The following YEATS2 variants were observed in gnomAD, a reference collection of about 807,000 sequenced individuals.
YEATS2 encodes the protein YEATS domain containing 2.
Under a neutral mutation model 163.2 loss-of-function variants are expected in YEATS2, and 77 were observed. That is an observed-to-expected ratio of 0.47 (90% CI 0.39 to 0.57). The LOEUF (loss-of-function observed/expected upper bound fraction) is 0.57. Ranked by LOEUF, YEATS2 falls within the 20% of genes least tolerant of loss-of-function variation. The pLI is 0.00. For synonymous variants in YEATS2, 631 were observed against 645.1 expected, an observed-to-expected ratio of 0.98 and a Z score of 0.33; for missense variants, 1,549 against 1,729.8, an observed-to-expected ratio of 0.90 and a Z score of 1.85.
At chr3:183,743,103 T>C (rs1418793105) in intron 8 of YEATS2, among the ~76,000 whole-genome samples, 1 of 152,270 alleles carries the variant, frequency 6.6e-6, no homozygotes, top group Non-Finnish European at 1.5e-5. Context: ...AGTTGCTTTA[T>C]TGCAGTATTC....
chr3:183,755,087 G>A (rs1311808625), intron 11 of YEATS2, among the ~76,000 whole-genome samples: 2 of 152,114 alleles, frequency 1.3e-5, no homozygotes, highest in Non-Finnish European at 2.9e-5. Context: ...CCAAATCTTT[G>A]ATGAGAGATA....
Position 183,697,999 on chromosome 3 carries a change from T to C in YEATS2, c.-20+6T>C, listed in dbSNP as rs1577013107. 1 of 149,672 alleles carries C rather than the reference T, an allele frequency of 6.7e-6. No individual in the cohort carries two copies. Among genetic ancestry groups the C allele is most frequent in the Admixed American group, 6.6e-5 (1 of 15,136 alleles). 9.3% of individuals were successfully genotyped at this position (149,672 alleles called of 1,614,324 possible). A position where few individuals can be genotyped will look rare whatever the true frequency, so the allele number is the denominator to read the frequency against. On this transcript the variant is annotated splice_donor_region_variant and intron_variant, in intron 1 of 30. Coordinates refer to ENST00000305135, the MANE Select transcript of YEATS2 (RefSeq NM_018023.5). ...GCCGGAGACCCGGAGAAAGGGTGAG[T>C]GTTGGCGGGCGCAGGAAGGGACCGG...
At chr3:183,723,621 AGAATTTAG>A (rs1399151824) in intron 5 of YEATS2, among the ~76,000 whole-genome samples, 1 of 152,178 alleles carries the variant, frequency 6.6e-6, no homozygotes, top group African/African-American at 2.4e-5. Context: ...TTAGTTAAAA[AGAATTTAG>A]GAGGCTGGGC....
intron 15 of YEATS2, among the ~76,000 whole-genome samples, chr3:183,765,945 T>TAAAAAAAAAAAAAAAA (rs576204848): frequency 7.8e-6 from 1 of 128,828 alleles, no homozygotes. Flanking sequence ...AGACTCTGTC[T>TAAAAAAAAAAAAAAAA]AAAAAAAAAA....
At chr3:183,720,758 TGAAGTCTA>T (rs1468029881) in intron 4 of YEATS2, among the ~76,000 whole-genome samples, 1 of 152,202 alleles carries the variant, frequency 6.6e-6, no homozygotes, top group Non-Finnish European at 1.5e-5. Context: ...CTCACTATTA[TGAAGTCTA>T]GAAGTCCAAA....
chr3:183,751,988 C>T (rs78367628), intron 9 of YEATS2, 85 bp from the exon 10 acceptor site: 71,771 of 1,453,552 alleles, frequency 0.049, 2,033 homozygotes, highest in Middle Eastern at 0.074. Flanking sequence ...TCTCACATCC[C>T]GGAGATTACA....
intron 8 of YEATS2, among the ~76,000 whole-genome samples, chr3:183,737,112 G>A (rs919710995): frequency 2.0e-5 from 3 of 151,974 alleles, no homozygotes; most frequent in Non-Finnish European, 4.4e-5. Flanking sequence ...AAAATTATAA[G>A]GAATAGAAAA....
chr3:183,738,496 C>T (rs1279562635), intron 8 of YEATS2, among the ~76,000 whole-genome samples: 8 of 141,512 alleles, frequency 5.7e-5, no homozygotes, highest in Non-Finnish European at 1.2e-4. Context: ...TGGTGCGCTG[C>T]ACCCACTAAC....
intron 24 of YEATS2, chr3:183,800,917 G>A (rs1725610670): frequency 4.9e-6 from 1 of 202,558 alleles, no homozygotes; most frequent in Non-Finnish European, 1.0e-5. Flanking sequence ...GTGACTGGGT[G>A]TCCACACACC....
Position 183,808,081 on chromosome 3 carries a change from G to A in YEATS2, c.4063G>A (p.Val1355Met), listed in dbSNP as rs374475831. ...ACTCCACAGGAACGTGTATGCGTCC[G>A]TGGTGGAGGACATGATCCTGAAGGT... is the stretch of plus-strand genomic sequence containing the variant. ...VALHRNVYAS[V>M]VEDMILKATE... Residue 1355 changes from valine (V) to methionine (M), a missense_variant, in exon 29 of 31, where the codon GTG (valine) becomes ATG (methionine). By Grantham distance (21) the Val-to-Met change is conservative. Transcript: ENST00000305135. 10 of 1,557,614 alleles carry A rather than the reference G, an allele frequency of 6.4e-6. No individual in the cohort carries two copies. Among genetic ancestry groups the A allele is most frequent in the Non-Finnish European group, 7.8e-6 (9 of 1,150,152 alleles).
chr3:183,759,086 C>T, intron 13 of YEATS2, 121 bp downstream of exon 13: 1 of 650,524 alleles, frequency 1.5e-6, no homozygotes, highest in Non-Finnish European at 2.5e-6. Flanking sequence ...GAACTCCTGG[C>T]CTCAAGAGAT....
At position 183,758,885 on chromosome 3, in the gene YEATS2, A is replaced by G. The variant is rs369901221; in HGVS notation, c.1576A>G (p.Thr526Ala). Residue 526 changes from threonine to alanine, a missense_variant, in exon 13 of 31, where the codon ACG becomes GCG. Coordinates refer to ENST00000305135, the MANE Select transcript of YEATS2 (RefSeq NM_018023.5). ...STGSPTNKISTASQVSQGTGS... is the reference protein window; with the variant it reads ...STGSPTNKISAASQVSQGTGS... ...AGGAAGTCCTACAAACAAGATCTCC[A>G]CGGCTTCTCAGGTCTCCCAAGGAAC... 28 of 1,595,784 alleles carry G rather than the reference A, an allele frequency of 1.8e-5. No homozygotes were observed. The highest frequency in any genetic ancestry group is 2.0e-5 in the Non-Finnish European group (24 of 1,174,380).
intron 28 of YEATS2, 190 bp downstream of exon 28, chr3:183,807,282 A>C (rs746992745): frequency 6.8e-6 from 4 of 585,572 alleles, no homozygotes; most frequent in Non-Finnish European, 1.2e-5. Flanking sequence ...CAGGGCTCCC[A>C]CCGTCCCACA....
chr3:183,793,210 C>T, intron 21 of YEATS2: 1 of 1,258,294 alleles, frequency 7.9e-7, no homozygotes, highest in Non-Finnish European at 1.0e-6. Flanking sequence ...AGACAACACC[C>T]CTTACTGCCT....
chr3:183,723,831 G>T (rs1422459463), intron 5 of YEATS2, among the ~76,000 whole-genome samples: 1 of 151,928 alleles, frequency 6.6e-6, no homozygotes, highest in South Asian at 2.1e-4. Flanking sequence ...AGAATCGCTT[G>T]AACCCAGGAG....
chr3:183,730,041 G>GT (rs1411027265), intron 7 of YEATS2, among the ~76,000 whole-genome samples: 1 of 83,170 alleles, frequency 1.2e-5, no homozygotes, highest in Non-Finnish European at 2.4e-5. Flanking sequence ...TAATTGTGTG[G>GT]TTTTTTGTTT....
chr3:183,742,457 G>T (rs1014591588), intron 8 of YEATS2, among the ~76,000 whole-genome samples: 1 of 152,194 alleles, frequency 6.6e-6, no homozygotes, highest in Non-Finnish European at 1.5e-5. Flanking sequence ...GACTTCAGCG[G>T]AGGAATTAGC....
intron 27 of YEATS2, chr3:183,806,598 T>G: frequency 4.1e-6 from 2 of 484,276 alleles, no homozygotes; most frequent in Non-Finnish European, 7.6e-6. Flanking sequence ...ATGACCTGGT[T>G]TTTGGTGGCA....
intron 27 of YEATS2, chr3:183,806,561 C>G (rs263033): frequency 0.45 from 205,642 of 453,218 alleles, 47,477 homozygotes; most frequent in Middle Eastern, 0.55. Flanking sequence ...AAAATCAGGT[C>G]AGTCCTTAAT....
Sources: allele counts gnomAD v4.1 joint callset (sites outside exome capture counted in the v4.1 genomes callset), GRCh38; gene constraint gnomAD v4.1.1; transcripts MANE v1.5; gene names NCBI Gene and HGNC (gene_info 2026-07-23, HGNC 2026-07-21).